SGIP1: variants seen among roughly 807,000 people sequenced by gnomAD.
SGIP1 encodes the protein SH3-containing GRB2-like protein 3-interacting protein 1.
In SGIP1, 38 loss-of-function variants were observed where a neutral mutation model predicts 107.5. That is an observed-to-expected ratio of 0.35 (90% CI 0.27 to 0.46). The LOEUF (loss-of-function observed/expected upper bound fraction) is 0.46. Ranked by LOEUF, SGIP1 falls within the 20% of genes least tolerant of loss-of-function variation. The pLI is 1.00. For synonymous variants in SGIP1, 365 were observed against 366.1 expected, an observed-to-expected ratio of 1.00 and a Z score of 0.03; for missense variants, 929 against 1,019.5, an observed-to-expected ratio of 0.91 and a Z score of 1.21.
Position 66,626,127 on chromosome 1 carries a change from T to G in SGIP1, c.74+217T>G, listed in dbSNP as rs902827215. On this transcript the variant is annotated intron_variant, in intron 2 of 24. Transcript: ENST00000371037. ...CATGTGTTCAGTTTTTATCACATTT[T>G]TCTTTCTTTCTTTTTTTTTTTTTTT... The G allele has an allele frequency of 1.4e-3, 365 of 270,286 alleles. 2 individuals are homozygous for G. Among genetic ancestry groups the G allele is most frequent in the Non-Finnish European group, 1.5e-3 (231 of 155,490 alleles). 16.7% of individuals were successfully genotyped at this position (270,286 alleles called of 1,614,324 possible). A position where few individuals can be genotyped will look rare whatever the true frequency, so the allele number is the denominator to read the frequency against.
chr1:66,660,159 GAAAGAAAGAAAGAAAGAAA>G (rs2081017491), intron 7 of SGIP1: 1 of 67,406 alleles, frequency 1.5e-5, no homozygotes, highest in African/African-American at 9.5e-5. Flanking sequence ...AAGAAAGAAA[GAAAGAAAGAAAGAAAGAAA>G]GAAAGAAAGA....
chr1:66,569,987 C>T (rs1013213477), intron 1 of SGIP1, among the ~76,000 whole-genome samples: 1 of 151,686 alleles, frequency 6.6e-6, no homozygotes, highest in South Asian at 2.1e-4. Flanking sequence ...CATTTGATCT[C>T]GGTTATCAAC....
chr1:66,599,012 C>G (rs942697621), intron 1 of SGIP1, among the ~76,000 whole-genome samples: 2 of 152,022 alleles, frequency 1.3e-5, no homozygotes, highest in African/African-American at 4.8e-5. Context: ...ATGAAGAAGG[C>G]AGTGTTCTAC....
At chr1:66,590,238 A>G (rs2063404966) in intron 1 of SGIP1, among the ~76,000 whole-genome samples, 1 of 152,192 alleles carries the variant, frequency 6.6e-6, no homozygotes, top group African/African-American at 2.4e-5. Context: ...TACATGGCCC[A>G]CTGGATAATC....
chr1:66,557,880 T>G (rs2058409146), intron 1 of SGIP1, among the ~76,000 whole-genome samples: 1 of 152,140 alleles, frequency 6.6e-6, no homozygotes, highest in East Asian at 1.9e-4. Flanking sequence ...GTGATTCAGT[T>G]TTAAATACTT....
intron 19 of SGIP1, among the ~76,000 whole-genome samples, chr1:66,726,378 C>A (rs74085066): frequency 6.6e-6 from 1 of 152,014 alleles, no homozygotes; most frequent in African/African-American, 2.4e-5. Flanking sequence ...GACATTGACA[C>A]GGTGATTATA....
At chr1:66,626,261 A>C (rs1386994924) in intron 2 of SGIP1, among the ~76,000 whole-genome samples, 3 of 151,454 alleles carry the variant, frequency 2.0e-5, no homozygotes, top group African/African-American at 4.9e-5. Flanking sequence ...TGACCTTACA[A>C]TCTGAACTAA....
chr1:66,664,683 A>G (rs1417184364), intron 8 of SGIP1, among the ~76,000 whole-genome samples: 1 of 152,236 alleles, frequency 6.6e-6, no homozygotes, highest in East Asian at 1.9e-4. Context: ...TAGAAAGAAC[A>G]TCTTCTACAT....
chr1:66,634,770 G>C (rs551797313), intron 3 of SGIP1, among the ~76,000 whole-genome samples: 3 of 152,304 alleles, frequency 2.0e-5, no homozygotes, highest in African/African-American at 7.2e-5. Context: ...TCAGAAACAG[G>C]CTTTATAGGT....
chr1:66,589,196 A>ATGTGTGTG (rs1392783237), intron 1 of SGIP1, among the ~76,000 whole-genome samples: 2 of 55,278 alleles, frequency 3.6e-5, no homozygotes, highest in Non-Finnish European at 7.0e-5. Context: ...ATATATATAT[A>ATGTGTGTG]TATATATATA....
chr1:66,552,112 A>G (rs12061766), intron 1 of SGIP1, among the ~76,000 whole-genome samples: 2,995 of 152,156 alleles, frequency 0.02, 95 homozygotes, highest in African/African-American at 0.067. Context: ...AGCTGGTGTG[A>G]TCTCTGAACC....
chr1:66,609,114 C>T (rs2067426954), intron 1 of SGIP1, among the ~76,000 whole-genome samples: 1 of 150,282 alleles, frequency 6.7e-6, no homozygotes, highest in Non-Finnish European at 1.5e-5. Context: ...CATCTGCAGT[C>T]AGGACACTGA....
chr1:66,576,223 A>G (rs762800520), intron 1 of SGIP1, among the ~76,000 whole-genome samples: 4 of 152,192 alleles, frequency 2.6e-5, no homozygotes, highest in Non-Finnish European at 5.9e-5. Context: ...GAAGGTGTTA[A>G]TGTAGTATCA....
At chr1:66,741,756 C>T (rs1158498992) in intron 24 of SGIP1, among the ~76,000 whole-genome samples, 1 of 150,658 alleles carries the variant, frequency 6.6e-6, no homozygotes, top group Non-Finnish European at 1.5e-5. Context: ...TACTTTTTGC[C>T]TTTTATTTTT....
At chr1:66,705,775 G>A (rs1350218877) in intron 18 of SGIP1, among the ~76,000 whole-genome samples, 1 of 152,046 alleles carries the variant, frequency 6.6e-6, no homozygotes, top group African/African-American at 2.4e-5. Flanking sequence ...ACCATTCAAG[G>A]AAAGAACACT....
chr1:66,748,821 T>C lies in SGIP1; in HGVS notation c.*5726T>C, dbSNP rs756742897. 7.2e-5 allele frequency among the ~76,000 whole-genome samples: 11 copies of C among 152,036 alleles called. No individual in the cohort carries two copies. Among genetic ancestry groups the C allele is most frequent in the Non-Finnish European group, 1.6e-4 (11 of 67,892 alleles). Reference sequence around the variant, plus strand: ...GAGAACAAATGGTCCTATACTATAATTCTCTCTCCTTGGACATTGACAATA... The same window carrying C: ...GAGAACAAATGGTCCTATACTATAACTCTCTCTCCTTGGACATTGACAATA... On this transcript the variant is annotated 3_prime_UTR_variant, in exon 25 of 25. Coordinates refer to ENST00000371037, the MANE Select transcript of SGIP1 (RefSeq NM_032291.4).
At chr1:66,655,800 G>T (rs1167548611) in intron 7 of SGIP1, among the ~76,000 whole-genome samples, 2 of 152,050 alleles carry the variant, frequency 1.3e-5, no homozygotes, top group African/African-American at 4.8e-5. Flanking sequence ...GCTCAAAGTT[G>T]CTCTCGGTGA....
chr1:66,633,205 T>C, intron 3 of SGIP1, 111 bp downstream of exon 3: 1 of 721,638 alleles, frequency 1.4e-6, no homozygotes, highest in East Asian at 2.5e-5. Flanking sequence ...CTTGAATGAC[T>C]TTTTGGACCT....
intron 7 of SGIP1, among the ~76,000 whole-genome samples, chr1:66,656,935 C>T (rs1167884851): frequency 2.0e-5 from 3 of 152,046 alleles, no homozygotes; most frequent in Non-Finnish European, 4.4e-5. Flanking sequence ...TGGGAAGCAA[C>T]GTTGGGAGGA....
Sources: allele counts gnomAD v4.1 joint callset (sites outside exome capture counted in the v4.1 genomes callset), GRCh38; gene constraint gnomAD v4.1.1; transcripts MANE v1.5; gene names NCBI Gene and HGNC (gene_info 2026-07-23, HGNC 2026-07-21).